PDGFC: variants seen among roughly 807,000 people sequenced by gnomAD.
PDGFC encodes the protein platelet-derived growth factor C.
In PDGFC, 12 loss-of-function variants were observed where a neutral mutation model predicts 35.5. That is an observed-to-expected ratio of 0.34 (90% CI 0.22 to 0.55). The LOEUF is 0.55. PDGFC is among the 20% of genes least tolerant of loss of function. The probability of loss-of-function intolerance (pLI) is 0.91; values close to 1 mark genes in which losing one functional copy is unlikely to be tolerated. For missense variants in PDGFC, 322 were observed against 412.4 expected, an observed-to-expected ratio of 0.78 and a Z score of 1.90; for synonymous variants, 159 against 148.8, an observed-to-expected ratio of 1.07 and a Z score of -0.50.
At chr4:156,777,746 G>A (rs189344118) in intron 3 of PDGFC, among the ~76,000 whole-genome samples, 1 of 152,236 alleles carries the variant, frequency 6.6e-6, no homozygotes, top group African/African-American at 2.4e-5. Flanking sequence ...TATTATAGGA[G>A]CAAACAAAGG....
intron 3 of PDGFC, among the ~76,000 whole-genome samples, chr4:156,810,221 A>T: frequency 6.6e-6 from 1 of 151,922 alleles, no homozygotes; most frequent in Admixed American, 6.6e-5. Context: ...ATATTAAAGT[A>T]TTATATTAAA....
intron 1 of PDGFC, among the ~76,000 whole-genome samples, chr4:156,888,927 G>A (rs922816266): frequency 3.3e-5 from 5 of 152,152 alleles, no homozygotes; most frequent in Non-Finnish European, 7.3e-5. Context: ...TCTGTTAAGA[G>A]CTTTGAGTTA....
rs370831998 is a variant in PDGFC at position 156,818,791 on chromosome 4, C to T, written c.315-7774G>A. 3.3e-5 allele frequency among the ~76,000 whole-genome samples: 5 copies of T among 152,098 alleles called. No homozygotes were observed. The East Asian group carries it at 5.8e-4, about 18-fold the overall frequency. On this transcript the variant is annotated intron_variant, in intron 2 of 5. Transcript: ENST00000502773. ...TGCTGGGATTACAGGCTTGAGCCACCGCACCTGGCCCACTCTTTCTAGCTT... is the reference window on the plus strand; with the variant it reads ...TGCTGGGATTACAGGCTTGAGCCACTGCACCTGGCCCACTCTTTCTAGCTT...
At chr4:156,903,224 A>G (rs994547838) in intron 1 of PDGFC, among the ~76,000 whole-genome samples, 1 of 152,064 alleles carries the variant, frequency 6.6e-6, no homozygotes, top group South Asian at 2.1e-4. Flanking sequence ...AAACTTACAT[A>G]CAAATACAGA....
chr4:156,927,770 C>T (rs1731449423), intron 1 of PDGFC, among the ~76,000 whole-genome samples: 1 of 152,158 alleles, frequency 6.6e-6, no homozygotes, highest in Non-Finnish European at 1.5e-5. Context: ...CTGAGCCCTC[C>T]AAACTGTTCC....
intron 3 of PDGFC, among the ~76,000 whole-genome samples, chr4:156,773,903 T>C (rs1298533853): frequency 2.0e-5 from 3 of 152,188 alleles, no homozygotes; most frequent in South Asian, 2.1e-4. Context: ...TGCCCACATA[T>C]AGGAAAACAC....
intron 1 of PDGFC, among the ~76,000 whole-genome samples, chr4:156,948,215 TAA>T (rs571372509): frequency 6.0e-4 from 62 of 102,546 alleles, no homozygotes; most frequent in Admixed American, 8.1e-4. Flanking sequence ...GATGTACAGC[TAA>T]AAAAAAAAAA....
At position 156,826,174 on chromosome 4, in the gene PDGFC, ATTTTTTTTTTTTTTTTT is replaced by A. The variant is rs59421806; in HGVS notation, c.315-15174_315-15158del. On this transcript the variant is annotated intron_variant, in intron 2 of 5. Transcript: ENST00000502773. ...GCCACCATATCCAGCTTTGAGTTGG[ATTTTTTTTTTTTTTTTT>A]TTTTTTTTTTTTTTTTTTGAGATGG... is the stretch of plus-strand genomic sequence containing the variant. 1.4e-3 allele frequency among the ~76,000 whole-genome samples: 60 copies of A among 43,798 alleles called. No homozygotes were observed. The East Asian group carries it at 0.021, about 16-fold the overall frequency. The allele number at this position is 43,798 out of a possible 152,430, so 28.7% of individuals were successfully genotyped here. A position where few individuals can be genotyped will look rare whatever the true frequency, so the allele number is the denominator to read the frequency against.
intron 1 of PDGFC, among the ~76,000 whole-genome samples, chr4:156,950,995 C>A (rs957184822): frequency 4.0e-5 from 6 of 151,800 alleles, no homozygotes; most frequent in African/African-American, 1.4e-4. Flanking sequence ...ATAACCTAAA[C>A]AAGGAGAAAG....
At chr4:156,781,584 C>A (rs551703790) in intron 3 of PDGFC, among the ~76,000 whole-genome samples, 26 of 152,226 alleles carry the variant, frequency 1.7e-4, no homozygotes, top group South Asian at 2.1e-4. Context: ...CTGCAACCTG[C>A]CATTCATCCC....
chr4:156,830,740 G>A (rs1377418138), intron 2 of PDGFC, among the ~76,000 whole-genome samples: 2 of 152,026 alleles, frequency 1.3e-5, no homozygotes, highest in African/African-American at 4.8e-5. Flanking sequence ...TCAAAATATC[G>A]AGCATGCAAT....
chr4:156,795,795 G>C (rs970629273), intron 3 of PDGFC, among the ~76,000 whole-genome samples: 1 of 152,100 alleles, frequency 6.6e-6, no homozygotes, highest in Non-Finnish European at 1.5e-5. Flanking sequence ...TTTTGCATGG[G>C]AGAGATTTAG....
intron 2 of PDGFC, among the ~76,000 whole-genome samples, chr4:156,825,593 T>TAAGAAGAAG (rs60033232): frequency 0.014 from 871 of 62,158 alleles, 29 homozygotes; most frequent in Middle Eastern, 0.026. Context: ...ATAATAATAA[T>TAAGAAGAAG]AAGAAGAAGA....
In PDGFC at chr4:156,857,222, AAG is replaced by A. The variant is rs533418759; in HGVS notation, c.119-6808_119-6807del. Among the ~76,000 whole-genome samples, 244 of 152,234 alleles carry A rather than the reference AAG, an allele frequency of 1.6e-3. 1 individual carries two copies. The highest frequency in any genetic ancestry group is 5.7e-3 in the African/African-American group (237 of 41,554). ...ATATTCTGTTTAACTCAAATAGAAT[AAG>A]AGAGAAAATTTACCCACACATACTA... On this transcript the variant is annotated intron_variant, in intron 1 of 5. Transcript: ENST00000502773.
At chr4:156,808,112 C>T (rs116502617) in intron 3 of PDGFC, among the ~76,000 whole-genome samples, 2,108 of 151,970 alleles carry the variant, frequency 0.014, 31 homozygotes, top group Non-Finnish European at 0.021. Flanking sequence ...TACTGCGTTC[C>T]GGTTTATGAA....
chr4:156,899,379 A>C (rs1730712610), intron 1 of PDGFC, among the ~76,000 whole-genome samples: 1 of 152,222 alleles, frequency 6.6e-6, no homozygotes, highest in South Asian at 2.1e-4. Context: ...CACAGATCCT[A>C]AGGGATGACG....
At chr4:156,802,555 T>TAC (rs3042776) in intron 3 of PDGFC, among the ~76,000 whole-genome samples, 3,906 of 145,614 alleles carry the variant, frequency 0.027, 83 homozygotes, top group African/African-American at 0.055. Context: ...TACACACACA[T>TAC]ACACACACAC....
intron 1 of PDGFC, among the ~76,000 whole-genome samples, chr4:156,908,037 T>C (rs987865157): frequency 2.0e-5 from 3 of 152,026 alleles, no homozygotes; most frequent in Non-Finnish European, 4.4e-5. Context: ...CATGGCGGCA[T>C]GCACCTTAGT....
chr4:156,897,350 A>ATATGTGTGTGTG (rs1730658118), intron 1 of PDGFC, among the ~76,000 whole-genome samples: 1 of 142,986 alleles, frequency 7.0e-6, no homozygotes, highest in African/African-American at 2.6e-5. Context: ...GTGAGAGTGT[A>ATATGTGTGTGTG]TGTGTGTGTG....
Sources: gnomAD v4.1 joint callset for allele counts (sites outside exome capture counted in the v4.1 genomes callset) on GRCh38, gnomAD v4.1.1 for gene constraint, MANE v1.5 for transcripts, NCBI Gene and HGNC (gene_info 2026-07-23, HGNC 2026-07-21) for gene names.